Variants in USH2A observed in about 807,000 individuals in gnomAD.
The protein encoded by USH2A is usherin.
A neutral mutation model predicts 538.9 loss-of-function variants in USH2A; 443 were observed. That is an observed-to-expected ratio of 0.82 (90% CI 0.76 to 0.89). The LOEUF is 0.89. USH2A is among the 40% of genes least tolerant of loss of function. The probability of loss-of-function intolerance (pLI) is 0.00; values close to 1 mark genes in which losing one functional copy is unlikely to be tolerated. For missense variants in USH2A, 6,633 were observed against 6,324.8 expected (o/e 1.05, Z -1.65); for synonymous variants, 2,413 against 2,273.5 (o/e 1.06, Z -1.75).
chr1:215,949,005 A>T (rs961401385), intron 37 of USH2A, among the ~76,000 whole-genome samples: 4 of 152,122 alleles, frequency 2.6e-5, no homozygotes, highest in South Asian at 2.1e-4. Flanking sequence ...AGCTAAGTTC[A>T]TATGACTGAG....
intron 22 of USH2A, among the ~76,000 whole-genome samples, chr1:216,096,598 A>G (rs998611966): frequency 6.6e-6 from 1 of 152,162 alleles, no homozygotes; most frequent in Non-Finnish European, 1.5e-5. Context: ...TTTTAAATTG[A>G]TTATTTTACT....
At chr1:215,878,738 T>C in intron 42 of USH2A, 26 bp downstream of exon 42, 1 of 1,609,954 alleles carries the variant, frequency 6.2e-7, no homozygotes, top group South Asian at 1.1e-5. Flanking sequence ...TACAGCAACA[T>C]AAAAATCATA....
intron 70 of USH2A, 151 bp downstream of exon 70, chr1:215,634,307 TC>T: frequency 2.4e-6 from 3 of 1,273,258 alleles, no homozygotes; most frequent in Non-Finnish European, 3.4e-6. Flanking sequence ...AGAAAGCTGT[TC>T]TAGGGTTAGC....
intron 35 of USH2A, among the ~76,000 whole-genome samples, chr1:215,976,846 A>G (rs570384762): frequency 6.6e-6 from 1 of 152,070 alleles, no homozygotes; most frequent in East Asian, 1.9e-4. Flanking sequence ...AAGTTTTGCT[A>G]TCAGAGAGAT....
rs1424162076 is a variant in USH2A at position 215,743,052 on chromosome 1, A to G, written c.11548+125T>C. 4.3e-6 allele frequency: 5 copies of G among 1,174,154 alleles called. 1 individual carries two copies. In the South Asian group the frequency reaches 6.4e-5, roughly 15 times the overall value. 72.7% of individuals were successfully genotyped at this position (1,174,154 alleles called of 1,614,324 possible). On this transcript the variant is annotated intron_variant, in intron 59 of 71. Coordinates refer to ENST00000307340, the MANE Select transcript of USH2A (RefSeq NM_206933.4). ...TGTGATTTTTCTGGGTAAACAGTCCACTACAAATAAGAAGTGAAACGTTAG... is the reference window on the plus strand; with the variant it reads ...TGTGATTTTTCTGGGTAAACAGTCCGCTACAAATAAGAAGTGAAACGTTAG...
chr1:215,759,838 A>G lies in USH2A; in HGVS notation c.11053T>C (p.Trp3685Arg), dbSNP rs1312504115. Reference sequence around the variant, plus strand: ...ATGATAATGTGTCGAGGTGTCACCCAAACTCCTGGCAAGAATAACGCAATG... The same window carrying G: ...ATGATAATGTGTCGAGGTGTCACCCGAACTCCTGGCAAGAATAACGCAATG... ...QTLQAAPEGV[W>R]VTPRHIIINS... The change falls in exon 57 of 72, where the codon TGG becomes CGG. Residue 3685 changes from tryptophan to arginine, a missense_variant. Trp to Arg is a moderately radical substitution (Grantham distance 101). Transcript: ENST00000307340. 5 of 1,613,912 alleles carry G rather than the reference A, an allele frequency of 3.1e-6. No individual in the cohort carries two copies. In the East Asian group the frequency reaches 1.1e-4, roughly 36 times the overall value.
intron 55 of USH2A, among the ~76,000 whole-genome samples, chr1:215,767,089 C>A (rs1053757106): frequency 6.6e-6 from 1 of 152,174 alleles, no homozygotes; most frequent in Non-Finnish European, 1.5e-5. Flanking sequence ...TCCTGCCTAT[C>A]GGATCAGAGC....
At chr1:216,016,045 G>A (rs1668702778) in intron 32 of USH2A, among the ~76,000 whole-genome samples, 1 of 152,074 alleles carries the variant, frequency 6.6e-6, no homozygotes, top group African/African-American at 2.4e-5. Context: ...CCTTTGCAGG[G>A]ACATGGATGA....
chr1:216,324,044 G>C, intron 7 of USH2A, 124 bp downstream of exon 7: 1 of 1,072,178 alleles, frequency 9.3e-7, no homozygotes, highest in African/African-American at 1.6e-5. Context: ...ATAAGACTTA[G>C]GAGAATCTGC....
At chr1:215,655,719 G>A (rs1227852608) in intron 64 of USH2A, among the ~76,000 whole-genome samples, 1 of 130,462 alleles carries the variant, frequency 7.7e-6, no homozygotes, top group Non-Finnish European at 1.6e-5. Context: ...TACTGTGCTA[G>A]TTATTCTTTT....
intron 9 of USH2A, among the ~76,000 whole-genome samples, chr1:216,302,386 A>AGATTATGT (rs1216379839): frequency 3.9e-5 from 6 of 152,214 alleles, no homozygotes; most frequent in African/African-American, 2.4e-5. Flanking sequence ...TTTTACCTAC[A>AGATTATGT]GATTATGTAA....
At position 216,324,370 on chromosome 1, in the gene USH2A, AT is replaced by A; in HGVS notation, c.1144-19del. 1 of 1,589,320 alleles carries A rather than the reference AT, an allele frequency of 6.3e-7. No individual in the cohort carries two copies. Among genetic ancestry groups the A allele is most frequent in the Admixed American group, 1.7e-5 (1 of 58,208 alleles). ...TAAAACACCTGAAAATGGAAAGTTA[AT>A]TAATGTAATTAAAGTTTTAAGTTTA... On this transcript the variant is annotated intron_variant, in intron 6 of 71. Transcript: ENST00000307340.
At chr1:215,758,208 C>T (rs749166579) in intron 58 of USH2A, among the ~76,000 whole-genome samples, 2 of 151,434 alleles carry the variant, frequency 1.3e-5, no homozygotes, top group African/African-American at 4.9e-5. Flanking sequence ...TTTGTTTGAA[C>T]CCAGGAGTCG....
rs1662032013 is a variant in USH2A at position 215,793,246 on chromosome 1, GTA to G, written c.9959-2966_9959-2965del. Among the ~76,000 whole-genome samples the G allele has an allele frequency of 3.9e-5, 6 of 152,142 alleles. No individual in the cohort carries two copies. In the South Asian group the frequency reaches 1.2e-3, roughly 32 times the overall value. ...TTTTTTAAAGAAGACCAAGAATTAT[GTA>G]TCATGCCTTTGAGATAAAAATAGTA... On this transcript the variant is annotated intron_variant, in intron 50 of 71. Coordinates refer to ENST00000307340, the MANE Select transcript of USH2A (RefSeq NM_206933.4).
chr1:216,398,571 C>G (rs2039256245), intron 3 of USH2A, among the ~76,000 whole-genome samples: 1 of 152,032 alleles, frequency 6.6e-6, no homozygotes, highest in South Asian at 2.1e-4. Flanking sequence ...CACACACACT[C>G]TCTCCCCACA....
chr1:216,384,007 T>C (rs995417731), intron 3 of USH2A, among the ~76,000 whole-genome samples: 6 of 151,738 alleles, frequency 4.0e-5, no homozygotes, highest in African/African-American at 1.2e-4. Context: ...AGCCTACATA[T>C]AAATTTTTAA....
intron 11 of USH2A, among the ~76,000 whole-genome samples, chr1:216,255,364 G>C (rs1219995043): frequency 6.6e-6 from 1 of 152,138 alleles, no homozygotes; most frequent in Non-Finnish European, 1.5e-5. Flanking sequence ...TAGGCATTTA[G>C]TGCTATTAAT....
chr1:216,034,359 T>G (rs1032076585), intron 32 of USH2A, among the ~76,000 whole-genome samples: 1 of 152,050 alleles, frequency 6.6e-6, no homozygotes, highest in African/African-American at 2.4e-5. Context: ...ACATTGACAA[T>G]CTAGGTGAGA....
At chr1:216,245,129 A>G (rs1213882644) in intron 13 of USH2A, among the ~76,000 whole-genome samples, 2 of 152,146 alleles carry the variant, frequency 1.3e-5, no homozygotes, top group Non-Finnish European at 2.9e-5. Flanking sequence ...CCTGAAGGTA[A>G]AAAGAGTGAA....
Sources: gnomAD v4.1 joint callset for allele counts (sites outside exome capture counted in the v4.1 genomes callset) on GRCh38, gnomAD v4.1.1 for gene constraint, MANE v1.5 for transcripts, NCBI Gene and HGNC (gene_info 2026-07-23, HGNC 2026-07-21) for gene names.